Variants in ME3 observed in about 807,000 individuals in gnomAD.
The protein encoded by ME3 is malic enzyme 3, also known as NADP-dependent malic enzyme, mitochondrial.
ME3 carries 48 observed loss-of-function variants against 68.9 expected under a neutral mutation model. The ratio of observed to expected loss-of-function variants is 0.70; its 90% confidence interval spans 0.55 to 0.89. The LOEUF (loss-of-function observed/expected upper bound fraction) is 0.89, where lower values mean the gene tolerates loss of function less well. ME3 is among the 40% of genes least tolerant of loss of function. The pLI is 0.00. For missense variants in ME3, 675 were observed against 797.4 expected, an observed-to-expected ratio of 0.85 and a Z score of 1.85; for synonymous variants, 320 against 318.8, an observed-to-expected ratio of 1.00 and a Z score of -0.04.
intron 4 of ME3, among the ~76,000 whole-genome samples, chr11:86,553,179 C>T (rs569728313): frequency 8.6e-4 from 131 of 152,194 alleles, no homozygotes; most frequent in Non-Finnish European, 1.1e-3. Flanking sequence ...TTCTGTGGTG[C>T]CTATCTGCCC....
chr11:86,523,803 A>G (rs1044444001), intron 4 of ME3, among the ~76,000 whole-genome samples: 2 of 152,064 alleles, frequency 1.3e-5, no homozygotes, highest in Admixed American at 6.5e-5. Flanking sequence ...CAGGAGGGGG[A>G]AAAAAGGCGG....
chr11:86,450,381 C>T (rs1256250223), exon 9 of ME3: 1 of 1,614,094 alleles, frequency 6.2e-7, no homozygotes, highest in Non-Finnish European at 8.5e-7. Context: ...ATCCCTGCCA[C>T]AGCAACGGAG....
At chr11:86,527,520 T>C (rs191505721) in intron 4 of ME3, among the ~76,000 whole-genome samples, 1 of 152,016 alleles carries the variant, frequency 6.6e-6, no homozygotes, top group Admixed American at 6.5e-5. Context: ...ACAAAGATAA[T>C]CCTTGAGAAG....
intron 14 of ME3, among the ~76,000 whole-genome samples, chr11:86,442,072 T>C (rs1019550735): frequency 5.9e-5 from 9 of 152,208 alleles, no homozygotes; most frequent in Admixed American, 3.3e-4. Context: ...TTAAAACTTA[T>C]AGAAAATGTA....
intron 4 of ME3, among the ~76,000 whole-genome samples, chr11:86,528,281 G>A (rs1268959908): frequency 6.6e-6 from 1 of 152,224 alleles, no homozygotes; most frequent in South Asian, 2.1e-4. Context: ...AATGGTAAAG[G>A]GATCAATTCA....
At chr11:86,481,680 A>T (rs1469624905) in intron 7 of ME3, among the ~76,000 whole-genome samples, 1 of 152,206 alleles carries the variant, frequency 6.6e-6, no homozygotes, top group Non-Finnish European at 1.5e-5. Context: ...ATAGAGGCCT[A>T]CTTTAGCTCT....
At chr11:86,668,518 T>G (rs1016896907) in intron 2 of ME3, among the ~76,000 whole-genome samples, 1 of 152,190 alleles carries the variant, frequency 6.6e-6, no homozygotes, top group Non-Finnish European at 1.5e-5. Context: ...CCTACCCCAA[T>G]TATGGAAATC....
intron 4 of ME3, among the ~76,000 whole-genome samples, chr11:86,513,746 C>A (rs1036318796): frequency 1.3e-5 from 2 of 152,126 alleles, no homozygotes; most frequent in African/African-American, 4.8e-5. Flanking sequence ...AGAACCTTGC[C>A]CATCCTTCCA....
intron 2 of ME3, among the ~76,000 whole-genome samples, chr11:86,618,008 C>T (rs1012837552): frequency 5.3e-5 from 8 of 152,010 alleles, no homozygotes; most frequent in Admixed American, 1.3e-4. Flanking sequence ...AGTTCAAATT[C>T]ACAAGATGTA....
At chr11:86,526,496 T>C (rs146087022) in intron 4 of ME3, among the ~76,000 whole-genome samples, 1 of 152,354 alleles carries the variant, frequency 6.6e-6, no homozygotes, top group East Asian at 1.9e-4. Flanking sequence ...TAAATGTCTC[T>C]GTCTGACAGC....
At chr11:86,576,920 C>G (rs1359820427) in intron 2 of ME3, among the ~76,000 whole-genome samples, 1 of 152,194 alleles carries the variant, frequency 6.6e-6, no homozygotes, top group Non-Finnish European at 1.5e-5. Flanking sequence ...AATTTGGAAA[C>G]TGCTAGGCTG....
At chr11:86,607,859 TG>T (rs964313257) in intron 2 of ME3, among the ~76,000 whole-genome samples, 5 of 151,810 alleles carry the variant, frequency 3.3e-5, no homozygotes, top group Admixed American at 6.6e-5. Context: ...CTTCAGATAT[TG>T]GGGGGGCACT....
At chr11:86,499,329 G>A (rs1031700288) in intron 5 of ME3, among the ~76,000 whole-genome samples, 1 of 152,090 alleles carries the variant, frequency 6.6e-6, no homozygotes, top group Non-Finnish European at 1.5e-5. Flanking sequence ...TCAGGGTAAC[G>A]GTGAAGTTGT....
rs1404397910 is a variant in ME3, at chr11:86,653,889, G to C, written c.183+17873C>G. The stretch of plus-strand genomic sequence containing the variant: ...AGAAAAGAGAGAAGAATCAAGTAGA[G>C]GCAATAAAAAATGATAAAGGGTATA... On this transcript the variant is annotated intron_variant, in intron 2 of 14. Coordinates refer to ENST00000543262, the Ensembl canonical transcript of ME3. Among the ~76,000 whole-genome samples the C allele has an allele frequency of 3.3e-5, 5 of 151,876 alleles. No individual in the cohort carries two copies. In the South Asian group the frequency reaches 1.0e-3, roughly 32 times the overall value.
intron 2 of ME3, among the ~76,000 whole-genome samples, chr11:86,570,562 GAC>G (rs1957734337): frequency 6.6e-6 from 1 of 152,158 alleles, no homozygotes; most frequent in African/African-American, 2.4e-5. Flanking sequence ...AGTCTCCGCA[GAC>G]ACAGACCTGA....
At chr11:86,533,544 A>G (rs1955415987) in intron 4 of ME3, among the ~76,000 whole-genome samples, 1 of 152,178 alleles carries the variant, frequency 6.6e-6, no homozygotes, top group South Asian at 2.1e-4. Flanking sequence ...AGACAGCTTC[A>G]CTGTTGAATT....
At chr11:86,650,894 C>T (rs1208374097) in intron 2 of ME3, among the ~76,000 whole-genome samples, 1 of 152,202 alleles carries the variant, frequency 6.6e-6, no homozygotes, top group African/African-American at 2.4e-5. Context: ...TCATTCCCAC[C>T]CTAATACTGC....
rs147816540 is a variant in ME3, at chr11:86,444,950, T to C, written c.1554+1364A>G. ...AGATCCAGGAGAGGTTCCTGTGTAATTGATGGACACTGTTCATGAAATGTT... is the reference window on the plus strand; with the variant it reads ...AGATCCAGGAGAGGTTCCTGTGTAACTGATGGACACTGTTCATGAAATGTT... On this transcript the variant is annotated intron_variant, in intron 13 of 14. Coordinates refer to ENST00000543262, the Ensembl canonical transcript of ME3. Among the ~76,000 whole-genome samples, 542 of 152,282 alleles carry C rather than the reference T, an allele frequency of 3.6e-3. 4 individuals carry two copies. The highest frequency in any genetic ancestry group is 0.013 in the African/African-American group (527 of 41,564).
chr11:86,643,247 C>T (rs1461436976), intron 2 of ME3, among the ~76,000 whole-genome samples: 3 of 152,282 alleles, frequency 2.0e-5, no homozygotes, highest in South Asian at 2.1e-4. Flanking sequence ...TATAGTGTCA[C>T]TCTTCAGTGT....
Sources: gnomAD v4.1 joint callset for allele counts (sites outside exome capture counted in the v4.1 genomes callset) on GRCh38, gnomAD v4.1.1 for gene constraint, MANE v1.5 for transcripts, NCBI Gene and HGNC (gene_info 2026-07-23, HGNC 2026-07-21) for gene names.